Variants in DUS3L observed in about 807,000 individuals in gnomAD.
DUS3L encodes tRNA-dihydrouridine(47) synthase [NAD(P)(+)]-like.
A neutral mutation model predicts 74.6 loss-of-function variants in DUS3L; 62 were observed. The observed-to-expected ratio is 0.83, with a 90% CI of 0.68 to 1.03. The LOEUF is 1.03. Ranked by LOEUF, DUS3L falls within the 50% of genes least tolerant of loss-of-function variation. The probability of loss-of-function intolerance (pLI) is 0.00; values close to 1 mark genes in which losing one functional copy is unlikely to be tolerated. For missense variants in DUS3L, 884 were observed against 924.4 expected (o/e 0.96, Z 0.57); for synonymous variants, 433 against 395.7 (o/e 1.09, Z -1.12).
chr19:5,790,738 T>G, intron 1 of DUS3L: 1 of 557,558 alleles, frequency 1.8e-6, no homozygotes, highest in Non-Finnish European at 3.2e-6. Context: ...TAACGGCCGC[T>G]GGCAGAGCAC....
chr19:5,785,746 C>G lies in DUS3L; in HGVS notation c.1608G>C (p.Gln536His). ...CGGACGACGAGATGTCCCAGTGCCG[C>G]TGCTCCTTGATCTCCGTGAAGAGCC... Reference protein sequence around the residue: ...KPWLFTEIKEQRHWDISSSER... With the variant: ...KPWLFTEIKEHRHWDISSSER... The change falls in exon 11 of 13, where the codon CAG (glutamine) becomes CAC (histidine). Residue 536 changes from glutamine (Q) to histidine (H), a missense_variant. By Grantham distance (24) the Gln-to-His change is conservative. Coordinates refer to ENST00000309061, the MANE Select transcript of DUS3L (RefSeq NM_020175.3). The G allele has an allele frequency of 6.2e-7, 1 of 1,610,474 alleles. No homozygotes were observed. Among genetic ancestry groups the G allele is most frequent in the Non-Finnish European group, 8.5e-7 (1 of 1,179,302 alleles).
intron 8 of DUS3L, 40 bp downstream of exon 8, chr19:5,787,021 G>T: frequency 6.6e-7 from 1 of 1,504,834 alleles, no homozygotes; most frequent in South Asian, 1.3e-5. Context: ...ACGCGGGGTC[G>T]ACCGCGAGGC....
rs1308230027 is a variant in DUS3L, at chr19:5,789,348, G to A, written c.759C>T (p.Gly253=). 3 of 1,597,474 alleles carry A rather than the reference G, an allele frequency of 1.9e-6. No homozygotes were observed. Among genetic ancestry groups the A allele is most frequent in the Non-Finnish European group, 1.7e-6 (2 of 1,173,490 alleles). The change falls in exon 3 of 13, where the codon GGC becomes GGT. Residue 253 remains glycine (G), a synonymous_variant. Transcript: ENST00000309061. The stretch of plus-strand genomic sequence containing the variant: ...CACCACAGTTTTCCTGCCTGGGAGC[G>A]CCCTCGGCTGCCGTGCCCTCGGGGA... ...AAVPEGTAAE[G]APRQENCGAQ...
intron 11 of DUS3L, 35 bp downstream of exon 11, chr19:5,785,568 A>T: frequency 6.4e-7 from 1 of 1,573,364 alleles, no homozygotes; most frequent in African/African-American, 1.4e-5. Context: ...GCCGCGGCCC[A>T]CGCGCCGCCC....
At position 5,790,105 on chromosome 19, in the gene DUS3L, C is replaced by T. The variant is rs142782804; in HGVS notation, c.329G>A (p.Arg110Gln). The T allele has an allele frequency of 1.9e-6, 3 of 1,614,012 alleles. No individual in the cohort carries two copies. The highest frequency in any genetic ancestry group is 1.3e-5 in the African/African-American group (1 of 74,928). ...GTAGTTCGTGGGCTTCACATGGGGC[C>T]GGCCCTTGTTTTGTCCCCGGGCCCT... is the stretch of plus-strand genomic sequence containing the variant. Reference protein sequence around the residue: ...QKRARGQNKGRPHVKPTNYDK... With the variant: ...QKRARGQNKGQPHVKPTNYDK... The change falls in exon 2 of 13, where the codon CGG (arginine) becomes CAG (glutamine). Residue 110 changes from arginine to glutamine, a missense_variant. Transcript: ENST00000309061.
chr19:5,787,072 C>A lies in DUS3L; in HGVS notation c.1378G>T (p.Ala460Ser). 1.3e-6 allele frequency: 2 copies of A among 1,549,214 alleles called. No homozygotes were observed. Among genetic ancestry groups the A allele is most frequent in the South Asian group, 1.2e-5 (1 of 84,796 alleles). The change falls in exon 8 of 13, where the codon GCA becomes TCA. Residue 460 changes from alanine (A) to serine (S), a missense_variant. By Grantham distance (99) the Ala-to-Ser change is moderately conservative (BLOSUM62 1). Transcript: ENST00000309061. ...LLPELRDWGV[A>S]LVTLHGRSRE... Reference sequence around the variant, plus strand: ...GTCCCAAGACCCACCGTGACGAGTGCCACGCCCCAGTCCCGCAGCTCGGGC... The same window carrying A: ...GTCCCAAGACCCACCGTGACGAGTGACACGCCCCAGTCCCGCAGCTCGGGC...
At position 5,789,928 on chromosome 19, in the gene DUS3L, CA is replaced by C; in HGVS notation, c.387+118del. 3.6e-6 allele frequency: 5 copies of C among 1,406,024 alleles called. No homozygotes were observed. In the South Asian group the frequency reaches 6.7e-5, roughly 19 times the overall value. The allele number at this position is 1,406,024 out of a possible 1,614,324, so 87.1% of individuals were successfully genotyped here. A position where few individuals can be genotyped will look rare whatever the true frequency, so the allele number is the denominator to read the frequency against. On this transcript the variant is annotated intron_variant, in intron 2 of 12. Transcript: ENST00000309061. ...GAGGAGAATGAAGACGGAATGGCAT[CA>C]GAGCAAGCTCACTGCTCGTTGCTGA...
intron 3 of DUS3L, 124 bp downstream of exon 3, chr19:5,789,083 G>GC: frequency 7.4e-7 from 1 of 1,357,054 alleles, no homozygotes; most frequent in South Asian, 1.6e-5. Flanking sequence ...TCAGCCAGGA[G>GC]CTCCCTCAAG....
At position 5,787,312 on chromosome 19, in the gene DUS3L, A is replaced by C; in HGVS notation, c.1262T>G (p.Val421Gly). ...MNRSTKFQQI[V>G]RGMNQVLDVP... ...TGGCCGTACCTGGTTCATGCCACGG[A>C]CGATCTGCTGGAACTTGGTGGAGCG... The change falls in exon 7 of 13, where the codon GTC (valine) becomes GGC (glycine). Residue 421 changes from valine to glycine, a missense_variant. Physicochemically the swap from Val to Gly is moderately radical, Grantham distance 109 (BLOSUM62 -3). Coordinates refer to ENST00000309061, the MANE Select transcript of DUS3L (RefSeq NM_020175.3). The C allele has an allele frequency of 7.9e-7, 1 of 1,267,642 alleles. No individual in the cohort carries two copies. The highest frequency in any genetic ancestry group is 1.0e-6 in the Non-Finnish European group (1 of 984,928). The allele number at this position is 1,267,642 out of a possible 1,614,324, so 78.5% of individuals were successfully genotyped here. A position where few individuals can be genotyped will look rare whatever the true frequency, so the allele number is the denominator to read the frequency against.
Position 5,789,279 on chromosome 19 carries a change from G to C in DUS3L, c.828C>G (p.Ser276Arg). The part of the protein sequence containing the change: ...PAGPGTSTPP[S>R]SPVRTCGPLT... The stretch of plus-strand genomic sequence containing the variant: ...GGGGCCCGCAGGTCCGCACGGGGCT[G>C]CTGGGAGGGGTGCTAGTGCCCGGCC... The change falls in exon 3 of 13, where the codon AGC becomes AGG. Residue 276 changes from serine to arginine, a missense_variant. By Grantham distance (110) the Ser-to-Arg change is moderately radical. Transcript: ENST00000309061. 1 of 1,594,076 alleles carries C rather than the reference G, an allele frequency of 6.3e-7. No homozygotes were observed.
chr19:5,790,032 C>A lies in DUS3L; in HGVS notation c.387+15G>T. ...CTGCCTGCCCCGGCAGGAATGCTCA[C>A]GTGGCCGCACTTGCCTGGATTAGGG... On this transcript the variant is annotated intron_variant, in intron 2 of 12. Transcript: ENST00000309061. The A allele has an allele frequency of 6.2e-7, 1 of 1,609,378 alleles. No individual in the cohort carries two copies. Among genetic ancestry groups the A allele is most frequent in the Non-Finnish European group, 8.5e-7 (1 of 1,176,024 alleles).
At position 5,786,343 on chromosome 19, in the gene DUS3L, C is replaced by T. The variant is rs574969298; in HGVS notation, c.1562+124G>A. 150 of 898,896 alleles carry T rather than the reference C, an allele frequency of 1.7e-4. 6 individuals carry two copies. In the South Asian group the frequency reaches 2.5e-3, roughly 15 times the overall value. 55.7% of individuals were successfully genotyped at this position (898,896 alleles called of 1,614,324 possible). A position where few individuals can be genotyped will look rare whatever the true frequency, so the allele number is the denominator to read the frequency against. On this transcript the variant is annotated intron_variant, in intron 10 of 12. Coordinates refer to ENST00000309061, the MANE Select transcript of DUS3L (RefSeq NM_020175.3). ...AACGCAGCTGCAACTCCTGACATCG[C>T]TCTCTGCTCCTCCCATCTTGGGACC...
At chr19:5,790,985 G>A in intron 1 of DUS3L, 59 bp downstream of exon 1, 1 of 1,508,688 alleles carries the variant, frequency 6.6e-7, no homozygotes, top group Non-Finnish European at 9.0e-7. Context: ...GCACAGCTCG[G>A]ACCGCGCTAT....
intron 9 of DUS3L, 96 bp downstream of exon 9, chr19:5,786,653 G>A (rs1435432068): frequency 3.8e-6 from 6 of 1,564,172 alleles, no homozygotes; most frequent in African/African-American, 1.3e-5. Context: ...CCATCAGGGT[G>A]GTACGAGGGG....
Position 5,786,753 on chromosome 19 carries a change from CAG to C in DUS3L, c.1480_1481del (p.Leu494ValfsTer10). The C allele has an allele frequency of 6.2e-7, 1 of 1,611,456 alleles. No homozygotes were observed. Among genetic ancestry groups the C allele is most frequent in the Non-Finnish European group, 8.5e-7 (1 of 1,179,468 alleles). On this transcript the variant is annotated frameshift_variant, in exon 9 of 13. Coordinates refer to ENST00000309061, the MANE Select transcript of DUS3L (RefSeq NM_020175.3). LOFTEE classifies it high-confidence loss of function. ...ECVQAASPMP[L>X]FGNGDILSFE... is the part of the protein sequence containing the mutation. ...GTGGCTTCCCGGAACACCCACCGAA[CAG>C]GGGCATGGGGCTGGCGGCCTGCACG... is the stretch of plus-strand genomic sequence containing the variant.
At position 5,785,159 on chromosome 19, in the gene DUS3L, A is replaced by G; in HGVS notation, c.*44T>C. ...CCTGGATTTTAAAAGAATAAAATTT[A>G]TTGTACTCTCCTCGCCCCAGGGTGC... On this transcript the variant is annotated 3_prime_UTR_variant, in exon 13 of 13. Transcript: ENST00000309061. 1 of 1,554,036 alleles carries G rather than the reference A, an allele frequency of 6.4e-7. No homozygotes were observed. Among genetic ancestry groups the G allele is most frequent in the Non-Finnish European group, 8.7e-7 (1 of 1,147,878 alleles).
rs752794326 is a variant in DUS3L at position 5,788,416 on chromosome 19, C to A, written c.901-18G>T. The A allele has an allele frequency of 9.9e-6, 16 of 1,610,604 alleles. No individual in the cohort carries two copies. In the Admixed American group the frequency reaches 2.0e-4, roughly 20 times the overall value. On this transcript the variant is annotated intron_variant, in intron 3 of 12. Coordinates refer to ENST00000309061, the MANE Select transcript of DUS3L (RefSeq NM_020175.3). ...ATGTCCAGCTGGAGGGAAAAAAATA[C>A]ACACAAGTGGAGCTTGGCCTCCACC... is the stretch of plus-strand genomic sequence containing the variant.
chr19:5,790,013 GC>G, intron 2 of DUS3L, 33 bp downstream of exon 2: 1 of 1,606,526 alleles, frequency 6.2e-7, no homozygotes, highest in Non-Finnish European at 8.5e-7. Context: ...GCTCCTGCCT[GC>G]CCCGGCAGGA....
Position 5,787,299 on chromosome 19 carries a change from G to T in DUS3L, c.1275C>A (p.Asn425Lys). ...GCGAGGATGTGGCTGGCCGTACCTGGTTCATGCCACGGACGATCTGCTGGA... is the reference window on the plus strand; with the variant it reads ...GCGAGGATGTGGCTGGCCGTACCTGTTTCATGCCACGGACGATCTGCTGGA... ...TKFQQIVRGMNQVLDVPLTVK... is the reference protein window; with the variant it reads ...TKFQQIVRGMKQVLDVPLTVK... Residue 425 changes from asparagine to lysine, a missense_variant, in exon 7 of 13, where the codon AAC becomes AAA. By Grantham distance (94) the Asn-to-Lys change is moderately conservative. Coordinates refer to ENST00000309061, the MANE Select transcript of DUS3L (RefSeq NM_020175.3). The T allele has an allele frequency of 1.6e-6, 2 of 1,260,762 alleles. No individual in the cohort carries two copies. The highest frequency in any genetic ancestry group is 2.5e-5 in the South Asian group (2 of 79,994). 78.1% of individuals were successfully genotyped at this position (1,260,762 alleles called of 1,614,324 possible).
Sources: allele counts gnomAD v4.1 joint callset, GRCh38; gene constraint gnomAD v4.1.1; transcripts MANE v1.5; gene names NCBI Gene and HGNC (gene_info 2026-07-23, HGNC 2026-07-21).